CFAP92: variants seen among roughly 807,000 people sequenced by gnomAD.
CFAP92 encodes cilia and flagella associated protein 92 (putative), also known as uncharacterized protein CFAP92.
Under a neutral mutation model 106.3 loss-of-function variants are expected in CFAP92, and 86 were observed. That is an observed-to-expected ratio of 0.81 (90% CI 0.68 to 0.97). The LOEUF (loss-of-function observed/expected upper bound fraction) is 0.97. CFAP92 is among the 50% of genes least tolerant of loss of function. CFAP92 has a pLI of 0.00. For missense variants in CFAP92, 1,204 were observed against 1,283.8 expected (o/e 0.94, Z 0.95); for synonymous variants, 477 against 506.4 (o/e 0.94, Z 0.78).
At chr3:129,003,688 A>T (rs1944912258), upstream of CFAP92, 1 of 1,087,526 alleles carries the variant, frequency 9.2e-7, no homozygotes, top group Admixed American at 4.7e-5. Context: ...AAACGTGCTC[A>T]AGCGCTTCTG....
chr3:129,001,956 C>T, intron 1 of CFAP92: 1 of 1,544,074 alleles, frequency 6.5e-7, no homozygotes, highest in Non-Finnish European at 8.7e-7. Context: ...AGATGTGACC[C>T]CCGGGGATGC....
intron 1 of CFAP92, chr3:129,001,644 A>G (rs1871951): frequency 0.59 from 818,868 of 1,384,486 alleles, 246,653 homozygotes; most frequent in African/African-American, 0.92. Context: ...GCCGGTCAGC[A>G]CGGGCGCGGA....
rs553541886 is a variant in CFAP92, at chr3:128,921,908, A to G, written c.2752-5637T>C. On this transcript the variant is annotated intron_variant, in intron 12 of 15. Transcript: ENST00000645291. ...CACAATTCCCATCTCCTTCCTGGGG[A>G]GCCACCAAAGAAGGTCCCCACGGGT... Among the ~76,000 whole-genome samples the G allele has an allele frequency of 5.2e-3, 787 of 152,232 alleles. 5 individuals carry two copies. The highest frequency in any genetic ancestry group is 8.1e-3 in the Non-Finnish European group (548 of 68,012).
At chr3:129,010,502 G>A in the CFAP92 span, among the ~76,000 whole-genome samples, 17 of 152,222 alleles carry the variant, frequency 1.1e-4, no homozygotes, top group East Asian at 2.9e-3. The surrounding 1 kb of genome is among the most constrained non-coding windows in gnomAD (Gnocchi z 4.3). Context: ...AGGCTGGGAT[G>A]GAGGAAAGGG....
At chr3:128,929,291 G>C (rs974633837) in intron 12 of CFAP92, among the ~76,000 whole-genome samples, 48 of 152,112 alleles carry the variant, frequency 3.2e-4, no homozygotes, top group African/African-American at 1.1e-3. Flanking sequence ...AGAGAAACTA[G>C]AACCCTCATG....
In CFAP92 at chr3:128,978,091, C is replaced by A. The variant is rs370082358; in HGVS notation, c.762G>T (p.Pro254=). ...IVREESNQEH[P]PGKQEKTEKH... ...TTTCTGTTTTTTCTTGTTTTCCTGG[C>A]GGATGTTCCTGGTTCGACTCTTCTC... Residue 254 remains proline, a synonymous_variant, in exon 5 of 16, where the codon CCG becomes CCT. Coordinates refer to ENST00000645291, the MANE Select transcript of CFAP92 (RefSeq NM_001394090.1). 6.2e-7 allele frequency: 1 copy of A among 1,613,806 alleles called. No individual in the cohort carries two copies. The highest frequency in any genetic ancestry group is 1.3e-5 in the African/African-American group (1 of 74,890).
the CFAP92 span, among the ~76,000 whole-genome samples, chr3:129,009,184 CTCTTT>C: frequency 3.9e-5 from 6 of 152,198 alleles, no homozygotes; most frequent in African/African-American, 1.4e-4. Context: ...TGTTTTCTCT[CTCTTT>C]TCTTCCTTTC....
intron 2 of CFAP92, among the ~76,000 whole-genome samples, 180 bp downstream of exon 2, chr3:128,992,863 G>A (rs1327415273): frequency 2.0e-5 from 3 of 152,194 alleles, no homozygotes; most frequent in Non-Finnish European, 4.4e-5. Context: ...TGCAGCCACA[G>A]TTGGGCCTCT....
chr3:128,957,483 C>T (rs756402451), intron 9 of CFAP92, among the ~76,000 whole-genome samples: 53 of 151,930 alleles, frequency 3.5e-4, no homozygotes, highest in Non-Finnish European at 5.6e-4. Flanking sequence ...AAATCTATAC[C>T]AAGAGATATA....
At chr3:128,989,299 A>T (rs1944064131) in intron 2 of CFAP92, among the ~76,000 whole-genome samples, 1 of 151,860 alleles carries the variant, frequency 6.6e-6, no homozygotes, top group South Asian at 2.1e-4. Context: ...TAAAAAAAAA[A>T]AAAAAAAAAA....
chr3:128,951,791 A>G (rs887846650), intron 9 of CFAP92, among the ~76,000 whole-genome samples: 51 of 152,206 alleles, frequency 3.4e-4, no homozygotes, highest in African/African-American at 1.2e-3. Context: ...CCAGAAACAA[A>G]GGCTACATGG....
At chr3:128,911,999 C>T (rs1192444712) in intron 15 of CFAP92, among the ~76,000 whole-genome samples, 2 of 152,240 alleles carry the variant, frequency 1.3e-5, no homozygotes, top group Non-Finnish European at 2.9e-5. Flanking sequence ...CTCAGTCTAC[C>T]TCTGACCCTC....
chr3:128,946,309 G>A (rs1357699831), intron 9 of CFAP92, among the ~76,000 whole-genome samples: 5 of 151,838 alleles, frequency 3.3e-5, no homozygotes, highest in Admixed American at 6.6e-5. Context: ...CCGAGGCTGG[G>A]CACAGAAAAG....
chr3:128,991,766 C>T, intron 2 of CFAP92: 1 of 1,003,940 alleles, frequency 1.0e-6, no homozygotes. Flanking sequence ...TCTCGGGGTT[C>T]CAACCCATAC....
chr3:128,948,723 T>C (rs1349600946), intron 9 of CFAP92, among the ~76,000 whole-genome samples: 2 of 151,346 alleles, frequency 1.3e-5, no homozygotes, highest in African/African-American at 4.9e-5. Flanking sequence ...AGAGATGGGG[T>C]TTCACCATGT....
intron 1 of CFAP92, chr3:129,001,811 G>A (rs768267208): frequency 7.8e-5 from 121 of 1,545,428 alleles, no homozygotes; most frequent in Admixed American, 1.2e-4. Flanking sequence ...ACCTGCAGGA[G>A]GTCTTCCACC....
intron 10 of CFAP92, among the ~76,000 whole-genome samples, chr3:128,937,585 C>T (rs1203898930): frequency 6.8e-6 from 1 of 147,732 alleles, no homozygotes. Flanking sequence ...GCTTGGGCGA[C>T]AGAGCGAGAC....
Position 128,915,277 on chromosome 3 carries a change from T to G in CFAP92, c.3124-2A>C, listed in dbSNP as rs962846766. The G allele has an allele frequency of 1.2e-5, 18 of 1,536,008 alleles. No individual in the cohort carries two copies. The highest frequency in any genetic ancestry group is 2.7e-5 in the African/African-American group (2 of 73,036). ...AAACAGGGAGTTTTCCTTCCACTCC[T>G]AAATTGGGGGAGTAAGTAAATCAGG... On this transcript the variant is annotated splice_acceptor_variant, in intron 14 of 15. Transcript: ENST00000645291. LOFTEE classifies it high-confidence loss of function.
In CFAP92 at chr3:128,970,817, G is replaced by A. The variant is rs977122388; in HGVS notation, c.1168+470C>T. ...CACCACAGCCACCACCACACCACAGGTTGGCTGAGTGGGTCAGAATTTGGT... is the reference window on the plus strand; with the variant it reads ...CACCACAGCCACCACCACACCACAGATTGGCTGAGTGGGTCAGAATTTGGT... On this transcript the variant is annotated intron_variant, in intron 8 of 15. Coordinates refer to ENST00000645291, the MANE Select transcript of CFAP92 (RefSeq NM_001394090.1). The A allele has an allele frequency of 4.3e-5, 7 of 161,154 alleles. 1 individual carries two copies. The South Asian group carries it at 1.2e-3, about 28-fold the overall frequency. The allele number at this position is 161,154 out of a possible 1,614,324, so 10.0% of individuals were successfully genotyped here. A position where few individuals can be genotyped will look rare whatever the true frequency, so the allele number is the denominator to read the frequency against.
Sources: allele counts gnomAD v4.1 joint callset (sites outside exome capture counted in the v4.1 genomes callset), GRCh38; gene constraint gnomAD v4.1.1; non-coding constraint Gnocchi (gnomAD v3.1); transcripts MANE v1.5; gene names NCBI Gene and HGNC (gene_info 2026-07-23, HGNC 2026-07-21).